SMPD3: variants seen among roughly 807,000 people sequenced by gnomAD.
SMPD3 encodes the protein sphingomyelin phosphodiesterase 3.
Under a neutral mutation model 55.7 loss-of-function variants are expected in SMPD3, and 21 were observed. That is an observed-to-expected ratio of 0.38 (90% CI 0.27 to 0.54). The LOEUF (loss-of-function observed/expected upper bound fraction) is 0.54, where lower values mean the gene tolerates loss of function less well. SMPD3 is among the 20% of genes least tolerant of loss of function. The pLI, the probability that SMPD3 is intolerant of heterozygous loss-of-function variation, is 0.80. For synonymous variants in SMPD3, 457 were observed against 404.3 expected, an observed-to-expected ratio of 1.13 and a Z score of -1.56; for missense variants, 842 against 899.6, an observed-to-expected ratio of 0.94 and a Z score of 0.82.
intron 1 of SMPD3, among the ~76,000 whole-genome samples, chr16:68,425,381 AG>A (rs2152026573): frequency 6.6e-6 from 1 of 152,334 alleles, no homozygotes; most frequent in Non-Finnish European, 1.5e-5. Flanking sequence ...GCATGCCAAG[AG>A]GGTCTCCTCC....
chr16:68,441,868 C>T (rs1195415732), intron 1 of SMPD3, among the ~76,000 whole-genome samples: 1 of 152,132 alleles, frequency 6.6e-6, no homozygotes, highest in Non-Finnish European at 1.5e-5. Context: ...TGGGCTCGAG[C>T]AATCCTCCCA....
At chr16:68,429,275 G>C (rs2090461497) in intron 1 of SMPD3, among the ~76,000 whole-genome samples, 1 of 152,228 alleles carries the variant, frequency 6.6e-6, no homozygotes, top group South Asian at 2.1e-4. Flanking sequence ...GCAAAGCTCA[G>C]TGTAATAGGG....
intron 2 of SMPD3, among the ~76,000 whole-genome samples, chr16:68,373,026 C>T (rs1482805656): frequency 6.6e-6 from 1 of 152,230 alleles, no homozygotes; most frequent in Non-Finnish European, 1.5e-5. Flanking sequence ...CCTGGTGCTT[C>T]CACTCCACTG....
intron 1 of SMPD3, among the ~76,000 whole-genome samples, chr16:68,409,828 G>A (rs1194124669): frequency 6.6e-6 from 1 of 152,194 alleles, no homozygotes; most frequent in African/African-American, 2.4e-5. Context: ...TCCTGACCTC[G>A]TGATCTGCCC....
chr16:68,362,487 C>T (rs1383974269), intron 7 of SMPD3, among the ~76,000 whole-genome samples: 1 of 152,216 alleles, frequency 6.6e-6, no homozygotes, highest in East Asian at 1.9e-4. Context: ...TCCCCTGGGG[C>T]CTCAGCACCA....
chr16:68,397,301 T>A (rs1486435334), intron 1 of SMPD3, among the ~76,000 whole-genome samples: 2 of 152,206 alleles, frequency 1.3e-5, no homozygotes, highest in African/African-American at 2.4e-5. Flanking sequence ...AGGTGGATGC[T>A]GCCATGATTT....
intron 1 of SMPD3, among the ~76,000 whole-genome samples, chr16:68,417,571 G>T (rs942976077): frequency 6.6e-6 from 1 of 152,166 alleles, no homozygotes; most frequent in African/African-American, 2.4e-5. Context: ...TTTGGCCTTT[G>T]GTCTGTGTTT....
chr16:68,414,669 G>A (rs1313466415), intron 1 of SMPD3, among the ~76,000 whole-genome samples: 1 of 152,274 alleles, frequency 6.6e-6, no homozygotes, highest in Non-Finnish European at 1.5e-5. Context: ...CTGGCTCTTG[G>A]CTCTGGCCAA....
intron 1 of SMPD3, among the ~76,000 whole-genome samples, chr16:68,409,422 C>T (rs968074034): frequency 1.3e-5 from 2 of 152,102 alleles, no homozygotes; most frequent in African/African-American, 4.8e-5. Context: ...CTAATGCCTG[C>T]CAGAGTTGGG....
intron 1 of SMPD3, among the ~76,000 whole-genome samples, chr16:68,417,189 C>T (rs991338666): frequency 1.3e-5 from 2 of 152,318 alleles, no homozygotes; most frequent in Admixed American, 6.5e-5. Context: ...TCTGGGACAA[C>T]TCTGAGGAGC....
chr16:68,362,130 G>A (rs1455548896), intron 7 of SMPD3, among the ~76,000 whole-genome samples: 3 of 152,156 alleles, frequency 2.0e-5, no homozygotes, highest in African/African-American at 4.8e-5. Context: ...CATGAGTCTC[G>A]GGGACCCTTG....
intron 1 of SMPD3, among the ~76,000 whole-genome samples, chr16:68,423,467 C>A (rs2152025587): frequency 6.6e-6 from 1 of 152,264 alleles, no homozygotes; most frequent in Admixed American, 6.5e-5. Flanking sequence ...TCTGAGCTGG[C>A]ATACTCTCTA....
At chr16:68,362,983 G>A (rs2089359507) in intron 7 of SMPD3, among the ~76,000 whole-genome samples, 1 of 152,248 alleles carries the variant, frequency 6.6e-6, no homozygotes, top group South Asian at 2.1e-4. Context: ...CCTCTCAGAT[G>A]TGTTCTTTAT....
chr16:68,367,214 C>T (rs2089508248), intron 3 of SMPD3: 1 of 152,384 alleles, frequency 6.6e-6, no homozygotes, highest in Non-Finnish European at 1.5e-5. Flanking sequence ...CAGGCAACAA[C>T]TGCTCCTCCT....
At position 68,436,946 on chromosome 16, in the gene SMPD3, G is replaced by T. The variant is rs150220058; in HGVS notation, c.-269+11407C>A. ...CCACATACCAGGTCTGCTTAGACCTGGTGTGAGATAAGGTTGGCAGTATTT... is the reference window on the plus strand; with the variant it reads ...CCACATACCAGGTCTGCTTAGACCTTGTGTGAGATAAGGTTGGCAGTATTT... On this transcript the variant is annotated intron_variant, in intron 1 of 8. Transcript: ENST00000219334. 3.0e-4 allele frequency among the ~76,000 whole-genome samples: 45 copies of T among 152,320 alleles called. No homozygotes were observed. In the East Asian group the frequency reaches 8.5e-3, roughly 29 times the overall value.
At chr16:68,422,109 T>C (rs1316317888) in intron 1 of SMPD3, among the ~76,000 whole-genome samples, 1 of 152,166 alleles carries the variant, frequency 6.6e-6, no homozygotes, top group African/African-American at 2.4e-5. Context: ...CTCTAGAAGT[T>C]AGAAGGAAAC....
intron 1 of SMPD3, among the ~76,000 whole-genome samples, chr16:68,392,160 G>A (rs1360435265): frequency 6.6e-6 from 1 of 152,202 alleles, no homozygotes; most frequent in African/African-American, 2.4e-5. Context: ...CCAGAGTGCT[G>A]GGATTACAAG....
At chr16:68,378,003 G>A (rs1421117388) in intron 2 of SMPD3, among the ~76,000 whole-genome samples, 1 of 152,222 alleles carries the variant, frequency 6.6e-6, no homozygotes, top group East Asian at 1.9e-4. Context: ...GCGCTAGGAT[G>A]AGGCCTGTCT....
chr16:68,410,047 C>A (rs1461502336), intron 1 of SMPD3, among the ~76,000 whole-genome samples: 1 of 152,216 alleles, frequency 6.6e-6, no homozygotes, highest in East Asian at 1.9e-4. Flanking sequence ...CTGACCCTAA[C>A]GAGGCAGAGA....
Sources: allele counts gnomAD v4.1 joint callset (sites outside exome capture counted in the v4.1 genomes callset), GRCh38; gene constraint gnomAD v4.1.1; transcripts MANE v1.5; gene names NCBI Gene and HGNC (gene_info 2026-07-23, HGNC 2026-07-21).